The following HHIP variants were observed in gnomAD, a reference collection of about 807,000 sequenced individuals.
HHIP encodes the protein hedgehog-interacting protein.
A neutral mutation model predicts 74.0 loss-of-function variants in HHIP; 12 were observed. The ratio of observed to expected loss-of-function variants is 0.16; its 90% CI spans 0.10 to 0.26. HHIP has a LOEUF of 0.26. Ranked by LOEUF, HHIP falls within the 10% of genes least tolerant of loss-of-function variation. HHIP has a pLI of 1.00. For synonymous variants in HHIP, 309 were observed against 311.6 expected, an observed-to-expected ratio of 0.99 and a Z score of 0.09; for missense variants, 788 against 845.0, an observed-to-expected ratio of 0.93 and a Z score of 0.84.
intron 4 of HHIP, among the ~76,000 whole-genome samples, chr4:144,674,621 T>A (rs1268818600): frequency 6.6e-6 from 1 of 152,174 alleles, no homozygotes; most frequent in Non-Finnish European, 1.5e-5. Flanking sequence ...ATAAATCAAT[T>A]AAAAAATATG....
At chr4:144,732,680 T>G (rs927817973) in intron 11 of HHIP, among the ~76,000 whole-genome samples, 5 of 152,194 alleles carry the variant, frequency 3.3e-5, no homozygotes, top group African/African-American at 1.2e-4. Flanking sequence ...TTCATCTATA[T>G]TCATGACCTA....
At chr4:144,659,616 G>A (rs1468706192) in intron 3 of HHIP, 21 bp from the exon 4 acceptor site, 18 of 1,425,472 alleles carry the variant, frequency 1.3e-5, no homozygotes, top group African/African-American at 4.4e-5. Context: ...AAAGCTTACC[G>A]GTTTTCTTTA....
chr4:144,690,038 C>T (rs1206469558), intron 4 of HHIP, among the ~76,000 whole-genome samples: 4 of 152,108 alleles, frequency 2.6e-5, no homozygotes, highest in Non-Finnish European at 2.9e-5. Context: ...AAACTCGTGA[C>T]CTCACCTGAT....
intron 4 of HHIP, among the ~76,000 whole-genome samples, chr4:144,662,437 G>C (rs994088574): frequency 1.3e-5 from 2 of 152,194 alleles, no homozygotes; most frequent in African/African-American, 4.8e-5. Context: ...GGGCTAAACT[G>C]TCTGCAGTTC....
At chr4:144,706,743 A>C (rs182925343) in intron 5 of HHIP, 61 bp downstream of exon 5, 8 of 1,487,946 alleles carry the variant, frequency 5.4e-6, no homozygotes, top group Non-Finnish European at 7.2e-6. Flanking sequence ...TCATCTTTTC[A>C]TAAGTTTTTT....
intron 4 of HHIP, among the ~76,000 whole-genome samples, chr4:144,689,968 C>T (rs1312094757): frequency 6.6e-6 from 1 of 152,050 alleles, no homozygotes; most frequent in African/African-American, 2.4e-5. Context: ...ACCATCACGC[C>T]CAGCTAATTT....
intron 1 of HHIP, among the ~76,000 whole-genome samples, chr4:144,647,801 G>A (rs991627151): frequency 2.0e-5 from 3 of 152,144 alleles, no homozygotes; most frequent in African/African-American, 7.2e-5. Flanking sequence ...TGTACTCCAA[G>A]GAATCATTGC....
At chr4:144,734,665 C>T in intron 11 of HHIP, 76 bp from the exon 12 acceptor site, 1 of 1,226,920 alleles carries the variant, frequency 8.2e-7, no homozygotes, top group East Asian at 2.5e-5. Flanking sequence ...GCTTTGTAAG[C>T]CACAGAATCA....
intron 11 of HHIP, among the ~76,000 whole-genome samples, chr4:144,720,347 A>G (rs1311896154): frequency 6.6e-6 from 1 of 152,200 alleles, no homozygotes; most frequent in Non-Finnish European, 1.5e-5. Flanking sequence ...CTCAGATATA[A>G]TACAATTAGT....
chr4:144,660,114 A>G, intron 4 of HHIP: 1 of 515,488 alleles, frequency 1.9e-6, no homozygotes, highest in Non-Finnish European at 3.4e-6. Flanking sequence ...GGCTTTATAA[A>G]GTATTGTTTA....
chr4:144,681,894 T>C (rs1015179736), intron 4 of HHIP, among the ~76,000 whole-genome samples: 20 of 152,184 alleles, frequency 1.3e-4, no homozygotes, highest in Admixed American at 1.1e-3. Flanking sequence ...AGTTATAAAA[T>C]TATAAAACTT....
At chr4:144,648,195 C>T (rs371977118) in intron 1 of HHIP, 2 of 152,130 alleles carry the variant, frequency 1.3e-5, no homozygotes, top group South Asian at 2.1e-4. Flanking sequence ...AAAAAGGGGT[C>T]GACTTATCCT....
chr4:144,733,751 CA>C (rs1731029177), intron 11 of HHIP, among the ~76,000 whole-genome samples: 1 of 152,168 alleles, frequency 6.6e-6, no homozygotes. Context: ...GCACAGGTAA[CA>C]GCGACTGATA....
chr4:144,659,774 C>G lies in HHIP; in HGVS notation c.767C>G (p.Pro256Arg), dbSNP rs202074993. The G allele has an allele frequency of 5.0e-6, 8 of 1,612,010 alleles. No homozygotes were observed. The highest frequency in any genetic ancestry group is 2.2e-5 in the South Asian group (2 of 90,388). Residue 256 changes from proline to arginine, a missense_variant, in exon 4 of 13, where the codon CCT becomes CGT. Transcript: ENST00000296575. Reference protein sequence around the residue: ...EKEGYVKILTPEGEIFKEPYL... With the variant: ...EKEGYVKILTREGEIFKEPYL... ...GAAGGTTATGTGAAGATACTTACCC[C>G]TGAAGGAGAAATTTTCAAGGAGCCT... is the stretch of plus-strand genomic sequence containing the variant.
intron 2 of HHIP, among the ~76,000 whole-genome samples, chr4:144,653,974 T>A (rs1728493550): frequency 6.6e-6 from 1 of 152,198 alleles, no homozygotes; most frequent in African/African-American, 2.4e-5. Flanking sequence ...AGGTCACGGT[T>A]GCCTAGATGG....
intron 11 of HHIP, among the ~76,000 whole-genome samples, chr4:144,734,341 T>A (rs1731047644): frequency 6.6e-6 from 1 of 152,112 alleles, no homozygotes; most frequent in Non-Finnish European, 1.5e-5. Flanking sequence ...AGTGAAACTA[T>A]CTCAGACACT....
chr4:144,653,541 G>A (rs192339349), intron 2 of HHIP, among the ~76,000 whole-genome samples: 340 of 152,082 alleles, frequency 2.2e-3, no homozygotes, highest in Non-Finnish European at 4.0e-3. Context: ...GTAAATTTTG[G>A]TTGCTGTTGC....
At position 144,707,109 on chromosome 4, in the gene HHIP, T is replaced by G; in HGVS notation, c.1006T>G (p.Leu336Val). 1.2e-6 allele frequency: 2 copies of G among 1,614,154 alleles called. No individual in the cohort carries two copies. The highest frequency in any genetic ancestry group is 4.5e-5 in the East Asian group (2 of 44,876). Residue 336 changes from leucine to valine, a missense_variant, in exon 6 of 13, where the codon TTG (leucine) becomes GTG (valine). Physicochemically the swap from Leu to Val is conservative, Grantham distance 32 (BLOSUM62 1). Transcript: ENST00000296575. ...VSRKNPHQVD[L>V]RTARVFLEVA... Reference sequence around the variant, plus strand: ...TAGAAAAAATCCACACCAAGTTGATTTGAGAACAGCCAGAGTCTTTCTTGA... The same window carrying G: ...TAGAAAAAATCCACACCAAGTTGATGTGAGAACAGCCAGAGTCTTTCTTGA...
At chr4:144,707,731 G>A (rs972038221) in intron 6 of HHIP, among the ~76,000 whole-genome samples, 7 of 147,662 alleles carry the variant, frequency 4.7e-5, no homozygotes, top group Admixed American at 2.0e-4. Flanking sequence ...TGTCTGGAAC[G>A]GCCCAGTTTC....
Sources: gnomAD v4.1 joint callset for allele counts (sites outside exome capture counted in the v4.1 genomes callset) on GRCh38, gnomAD v4.1.1 for gene constraint, MANE v1.5 for transcripts, NCBI Gene and HGNC (gene_info 2026-07-23, HGNC 2026-07-21) for gene names.